The following XPO6 variants were observed in gnomAD, a reference collection of about 807,000 sequenced individuals.
The protein encoded by XPO6 is exportin-6.
In XPO6, 3 loss-of-function variants were observed where a neutral mutation model predicts 130.0. The ratio of observed to expected loss-of-function variants is 0.02; its 90% confidence interval spans 0.01 to 0.06. The LOEUF (loss-of-function observed/expected upper bound fraction) is 0.06. Among genes scored for constraint, XPO6 ranks in the 10% least tolerant of loss-of-function variants. The pLI is 1.00. For synonymous variants in XPO6, 524 were observed against 548.9 expected (o/e 0.95, Z 0.63); for missense variants, 970 against 1,393.0 (o/e 0.70, Z 4.83).
At chr16:28,144,613 A>G (rs2042951670) in intron 9 of XPO6, among the ~76,000 whole-genome samples, 2 of 152,192 alleles carry the variant, frequency 1.3e-5, no homozygotes. Flanking sequence ...AACCTCAGCA[A>G]TGGAAAAGCC....
intron 1 of XPO6, among the ~76,000 whole-genome samples, chr16:28,196,079 C>G (rs537141809): frequency 7.9e-5 from 12 of 152,284 alleles, no homozygotes; most frequent in Non-Finnish European, 1.5e-4. Flanking sequence ...CCATACTTTT[C>G]CTGTCTTTGT....
chr16:28,106,312 CCA>C lies in XPO6; in HGVS notation c.2612+69_2612+70del. On this transcript the variant is annotated intron_variant, in intron 19 of 23. Transcript: ENST00000304658. This position sits in a 1 kb window ranked among gnomAD's most constrained non-coding sequence, Gnocchi z 4.2. ...GCAAGTGCAGAACAGGAGCAAAAAG[CCA>C]CACTTTGTCGCCAGACCCACCACTT... is the stretch of plus-strand genomic sequence containing the variant. The C allele has an allele frequency of 6.2e-7, 1 of 1,606,780 alleles. No individual in the cohort carries two copies. The highest frequency in any genetic ancestry group is 8.5e-7 in the Non-Finnish European group (1 of 1,174,232).
chr16:28,171,739 C>G (rs1300140055), intron 4 of XPO6, among the ~76,000 whole-genome samples: 1 of 152,134 alleles, frequency 6.6e-6, no homozygotes, highest in African/African-American at 2.4e-5. Flanking sequence ...ACAAATTGGG[C>G]CTATTTCTAA....
At chr16:28,135,168 T>A (rs758998018) in intron 10 of XPO6, 48 bp downstream of exon 10, 1 of 1,504,884 alleles carries the variant, frequency 6.6e-7, no homozygotes, top group South Asian at 1.1e-5. Flanking sequence ...TTCTGATTGA[T>A]GTCACAACAT....
In XPO6 at chr16:28,117,301, CT is replaced by C; in HGVS notation, c.2004+16del. 6.2e-7 allele frequency: 1 copy of C among 1,613,192 alleles called. No individual in the cohort carries two copies. Among genetic ancestry groups the C allele is most frequent in the Non-Finnish European group, 8.5e-7 (1 of 1,179,860 alleles). ...CAGAGAGTTAGATAAAAGGTGTAGG[CT>C]TTGCTGTTTCGAGACCTTGGTGCTG... On this transcript the variant is annotated intron_variant, in intron 15 of 23. Coordinates refer to ENST00000304658, the MANE Select transcript of XPO6 (RefSeq NM_015171.4).
At chr16:28,108,145 A>C (rs2086827719) in intron 17 of XPO6, among the ~76,000 whole-genome samples, 3 of 152,234 alleles carry the variant, frequency 2.0e-5, no homozygotes, top group African/African-American at 7.2e-5. Flanking sequence ...ATGCTACTCC[A>C]GCCCAGTAAT....
chr16:28,098,498 T>G lies in XPO6; in HGVS notation c.*40A>C, dbSNP rs779754259. 7.1e-6 allele frequency: 11 copies of G among 1,551,778 alleles called. No individual in the cohort carries two copies. In the African/African-American group the frequency reaches 9.5e-5, roughly 13 times the overall value. On this transcript the variant is annotated 3_prime_UTR_variant, in exon 24 of 24. Coordinates refer to ENST00000304658, the MANE Select transcript of XPO6 (RefSeq NM_015171.4). ...TGGTGGAAGGTAGGGCTGGCGCAGG[T>G]GGCAGCAGCAGAAGTCCGTGTCCCC...
intron 4 of XPO6, among the ~76,000 whole-genome samples, chr16:28,174,114 T>C (rs954996602): frequency 2.6e-5 from 4 of 152,164 alleles, no homozygotes; most frequent in African/African-American, 9.7e-5. Flanking sequence ...TCAACTTGGA[T>C]TGAAGGCAAG....
intron 4 of XPO6, among the ~76,000 whole-genome samples, chr16:28,175,639 C>G (rs927722632): frequency 2.0e-5 from 3 of 152,016 alleles, no homozygotes; most frequent in Non-Finnish European, 4.4e-5. Flanking sequence ...AGTACAGCAC[C>G]TAACAGGCTT....
chr16:28,126,359 T>C (rs2087410299), intron 12 of XPO6, among the ~76,000 whole-genome samples: 1 of 151,954 alleles, frequency 6.6e-6, no homozygotes, highest in Non-Finnish European at 1.5e-5. Context: ...AGAGGAGAGG[T>C]ACACTCAGCA....
intron 1 of XPO6, among the ~76,000 whole-genome samples, chr16:28,205,489 GT>G (rs2044014174): frequency 6.6e-6 from 1 of 151,996 alleles, no homozygotes; most frequent in Non-Finnish European, 1.5e-5. Flanking sequence ...TCTCTCTCAG[GT>G]CAGTACCTAT....
chr16:28,144,048 T>C (rs998949366), intron 9 of XPO6, among the ~76,000 whole-genome samples: 1 of 151,872 alleles, frequency 6.6e-6, no homozygotes, highest in African/African-American at 2.4e-5. Context: ...AAATGAGGCA[T>C]AGTCCCAGAA....
chr16:28,111,103 C>A (rs1247825864), intron 17 of XPO6: 1 of 152,154 alleles, frequency 6.6e-6, no homozygotes, highest in African/African-American at 2.4e-5. Flanking sequence ...TGTTAATCTT[C>A]CTAGTTATAA....
At chr16:28,151,219 G>A (rs1389775297) in intron 8 of XPO6, among the ~76,000 whole-genome samples, 2 of 124,406 alleles carry the variant, frequency 1.6e-5, no homozygotes, top group Non-Finnish European at 3.4e-5. Flanking sequence ...AAAATCAAAT[G>A]TCCTCAGTGA....
At chr16:28,183,242 C>T (rs1442834752) in intron 1 of XPO6, 1 of 152,192 alleles carries the variant, frequency 6.6e-6, no homozygotes, top group Non-Finnish European at 1.5e-5. Flanking sequence ...CTACCCTTTA[C>T]TCTCTGCCCC....
chr16:28,113,723 A>T (rs1273663844), intron 15 of XPO6, among the ~76,000 whole-genome samples: 1 of 152,132 alleles, frequency 6.6e-6, no homozygotes, highest in Admixed American at 6.5e-5. Context: ...TATAATACTT[A>T]CTCTAAGAAG....
chr16:28,170,524 T>G (rs1257379123), intron 4 of XPO6, among the ~76,000 whole-genome samples: 1 of 152,198 alleles, frequency 6.6e-6, no homozygotes, highest in Non-Finnish European at 1.5e-5. Context: ...AACACAGCCT[T>G]TGTTACTTTG....
At chr16:28,102,125 G>A (rs1023655400) in intron 21 of XPO6, 180 bp from the exon 22 acceptor site, 1 of 566,696 alleles carries the variant, frequency 1.8e-6, no homozygotes, top group Non-Finnish European at 3.1e-6. Context: ...TCCCCACCGG[G>A]CCTTGCTTCT....
chr16:28,101,546 G>T lies in XPO6; in HGVS notation c.3188C>A (p.Ala1063Asp), dbSNP rs753066843. The T allele has an allele frequency of 1.9e-6, 3 of 1,614,128 alleles. No homozygotes were observed. The highest frequency in any genetic ancestry group is 1.7e-6 in the Non-Finnish European group (2 of 1,180,058). The change falls in exon 23 of 24, where the codon GCC (alanine) becomes GAC (aspartate). Residue 1063 changes from alanine to aspartate, a missense_variant. Around this residue, in one of 4 missense-constraint regions of XPO6, gnomAD observed 936 missense variants for 1,306.8 expected, o/e 0.72. Coordinates refer to ENST00000304658, the MANE Select transcript of XPO6 (RefSeq NM_015171.4). The surrounding 1 kb of genome is among the most constrained non-coding windows in gnomAD (Gnocchi z 5.4). Reference sequence around the variant, plus strand: ...GGTCAGGAACTCTGGGAGGAAGGCGGCAAAGAAGCCATCAAAGTCGACTGA... The same window carrying T: ...GGTCAGGAACTCTGGGAGGAAGGCGTCAAAGAAGCCATCAAAGTCGACTGA... Reference protein sequence around the residue: ...MASVDFDGFFAAFLPEFLTSC... With the variant: ...MASVDFDGFFDAFLPEFLTSC...
Sources: allele counts gnomAD v4.1 joint callset (sites outside exome capture counted in the v4.1 genomes callset), GRCh38; gene constraint gnomAD v4.1.1; regional missense constraint gnomAD v4.1.1; non-coding constraint Gnocchi (gnomAD v3.1); transcripts MANE v1.5; gene names NCBI Gene and HGNC (gene_info 2026-07-23, HGNC 2026-07-21).